Variants in RNF216 observed in about 807,000 individuals in gnomAD.
RNF216 encodes E3 ubiquitin-protein ligase RNF216.
A neutral mutation model predicts 110.8 loss-of-function variants in RNF216; 72 were observed. The observed-to-expected ratio is 0.65, with a 90% CI of 0.54 to 0.79. The LOEUF is 0.79. RNF216 is among the 30% of genes least tolerant of loss of function. RNF216 has a pLI of 0.00. For synonymous variants in RNF216, 495 were observed against 407.5 expected, an observed-to-expected ratio of 1.21 and a Z score of -2.59; for missense variants, 1,342 against 1,141.2, an observed-to-expected ratio of 1.18 and a Z score of -2.54.
intron 1 of RNF216, among the ~76,000 whole-genome samples, chr7:5,776,928 A>G (rs1052052414): frequency 1.8e-4 from 25 of 140,682 alleles, no homozygotes; most frequent in East Asian, 2.4e-4. Flanking sequence ...GAGAGAGAGA[A>G]AAAGAGAGAG....
At chr7:5,637,679 G>A (rs565746925) in intron 15 of RNF216, among the ~76,000 whole-genome samples, 1 of 152,238 alleles carries the variant, frequency 6.6e-6, no homozygotes. Flanking sequence ...GGGAACACAG[G>A]TGTGCACGCA....
At position 5,741,158 on chromosome 7, in the gene RNF216, G is replaced by A. The variant is rs780148312; in HGVS notation, c.859C>T (p.Pro287Ser). The change falls in exon 4 of 17, where the codon CCC (proline) becomes TCC (serine). Residue 287 changes from proline (P) to serine (S), a missense_variant. Transcript: ENST00000389902. ...GGATGGGCAGGCTGAGGAGAAGAGG[G>A]GCCTGAAATCCCACCTTGCTGGGGT... ...PEPQQGGISG[P>S]SSPQPAHPLG... is the part of the protein sequence containing the mutation. The A allele has an allele frequency of 6.2e-7, 1 of 1,614,050 alleles. No homozygotes were observed. Among genetic ancestry groups the A allele is most frequent in the Non-Finnish European group, 8.5e-7 (1 of 1,180,016 alleles).
intron 13 of RNF216, among the ~76,000 whole-genome samples, chr7:5,653,413 A>C (rs1788518942): frequency 6.6e-6 from 1 of 151,844 alleles, no homozygotes. Flanking sequence ...CCTGGCTAAC[A>C]CGGTGAAACC....
At chr7:5,711,046 A>G (rs567156605) in intron 13 of RNF216, among the ~76,000 whole-genome samples, 3 of 152,310 alleles carry the variant, frequency 2.0e-5, no homozygotes, top group African/African-American at 2.4e-5. Context: ...TACTCTCCCC[A>G]AGGCAAAGAT....
At chr7:5,722,914 C>G (rs141612538) in intron 8 of RNF216, among the ~76,000 whole-genome samples, 2 of 151,894 alleles carry the variant, frequency 1.3e-5, no homozygotes, top group South Asian at 4.2e-4. Context: ...GCAGGAGAAT[C>G]GCTTGAGCTT....
intron 13 of RNF216, among the ~76,000 whole-genome samples, chr7:5,704,351 G>T (rs1054211966): frequency 6.6e-6 from 1 of 152,178 alleles, no homozygotes; most frequent in Non-Finnish European, 1.5e-5. Flanking sequence ...AGTCTCACAC[G>T]GGTCAAAATT....
At chr7:5,732,357 A>C (rs539371744) in intron 5 of RNF216, among the ~76,000 whole-genome samples, 47 of 152,320 alleles carry the variant, frequency 3.1e-4, no homozygotes, top group Middle Eastern at 6.8e-3. Flanking sequence ...GACTAGCTTT[A>C]AAATGGTCTG....
At chr7:5,779,316 G>A (rs1480937081) in intron 1 of RNF216, among the ~76,000 whole-genome samples, 1 of 152,006 alleles carries the variant, frequency 6.6e-6, no homozygotes, top group Non-Finnish European at 1.5e-5. Context: ...TCTAATCAGG[G>A]TAAAAATCTA....
chr7:5,724,080 C>G (rs1485288436), intron 8 of RNF216, among the ~76,000 whole-genome samples: 4 of 152,194 alleles, frequency 2.6e-5, no homozygotes, highest in Non-Finnish European at 5.9e-5. Flanking sequence ...TGCAGCAAAA[C>G]TGAGACAGGT....
intron 13 of RNF216, among the ~76,000 whole-genome samples, chr7:5,686,430 T>G (rs551074240): frequency 6.6e-6 from 1 of 152,066 alleles, no homozygotes; most frequent in South Asian, 2.1e-4. Context: ...AAAGTCAGAG[T>G]AAATGATGTG....
At chr7:5,705,147 TCTC>T in intron 13 of RNF216, among the ~76,000 whole-genome samples, 1 of 152,278 alleles carries the variant, frequency 6.6e-6, no homozygotes, top group South Asian at 2.1e-4. Flanking sequence ...AGCCTAGATC[TCTC>T]CCTGTGTTAC....
intron 13 of RNF216, among the ~76,000 whole-genome samples, chr7:5,691,773 C>G (rs182881222): frequency 3.6e-4 from 55 of 152,330 alleles, no homozygotes; most frequent in Non-Finnish European, 6.9e-4. Context: ...AAATTGAGGT[C>G]AGAGGAAACT....
rs532336269 is a variant in RNF216, at chr7:5,777,163, G to A, written c.-70+4378C>T. ...GCAGTCTTTGACAAGGCATGTGAACGAAGAAGACATTGTGGAAGCGGATGC... is the reference window on the plus strand; with the variant it reads ...GCAGTCTTTGACAAGGCATGTGAACAAAGAAGACATTGTGGAAGCGGATGC... On this transcript the variant is annotated intron_variant, in intron 1 of 16. Coordinates refer to ENST00000389902, the MANE Select transcript of RNF216 (RefSeq NM_207111.4). Among the ~76,000 whole-genome samples, 25 of 152,208 alleles carry A rather than the reference G, an allele frequency of 1.6e-4. No individual in the cohort carries two copies. In the East Asian group the frequency reaches 2.7e-3, roughly 16 times the overall value.
chr7:5,698,785 G>A (rs1467246260), intron 13 of RNF216, among the ~76,000 whole-genome samples: 1 of 152,132 alleles, frequency 6.6e-6, no homozygotes, highest in African/African-American at 2.4e-5. Flanking sequence ...ATCTTGTGCA[G>A]AGAAACTACA....
At chr7:5,725,589 G>A (rs529967985) in intron 7 of RNF216, 151 bp from the exon 8 acceptor site, 29 of 614,900 alleles carry the variant, frequency 4.7e-5, no homozygotes, top group South Asian at 4.3e-4. Flanking sequence ...GGTGGCTGAC[G>A]CCTGTAATCC....
chr7:5,690,887 A>G (rs1352232216), intron 13 of RNF216, among the ~76,000 whole-genome samples: 1 of 152,152 alleles, frequency 6.6e-6, no homozygotes, highest in East Asian at 1.9e-4. Flanking sequence ...AAATGTACAC[A>G]TTCATCATGG....
At chr7:5,771,765 C>T (rs1177437853) in intron 1 of RNF216, among the ~76,000 whole-genome samples, 2 of 152,162 alleles carry the variant, frequency 1.3e-5, no homozygotes, top group African/African-American at 4.8e-5. Context: ...CCACTGCATT[C>T]CAGCCTGGGC....
chr7:5,631,411 G>C (rs1009530804), intron 15 of RNF216, among the ~76,000 whole-genome samples: 1 of 152,168 alleles, frequency 6.6e-6, no homozygotes, highest in Non-Finnish European at 1.5e-5. Flanking sequence ...GCTGCACATG[G>C]GGGCCCAGCA....
chr7:5,632,853 A>G (rs1248742863), intron 15 of RNF216, among the ~76,000 whole-genome samples: 1 of 152,180 alleles, frequency 6.6e-6, no homozygotes, highest in Non-Finnish European at 1.5e-5. Context: ...GTGGGATCCA[A>G]TGAGTACCAT....
Sources: gnomAD v4.1 joint callset for allele counts (sites outside exome capture counted in the v4.1 genomes callset) on GRCh38, gnomAD v4.1.1 for gene constraint, MANE v1.5 for transcripts, NCBI Gene and HGNC (gene_info 2026-07-23, HGNC 2026-07-21) for gene names.